Variants in GOLGA5 observed in about 807,000 individuals in gnomAD.
GOLGA5 encodes the protein golgin A5.
In GOLGA5, 50 loss-of-function variants were observed where a neutral mutation model predicts 93.5. The observed-to-expected ratio is 0.53, with a 90% CI of 0.43 to 0.68. The LOEUF (loss-of-function observed/expected upper bound fraction) is 0.68. Among genes scored for constraint, GOLGA5 ranks in the 30% least tolerant of loss-of-function variants. The pLI, the probability that GOLGA5 is intolerant of heterozygous loss-of-function variation, is 0.00. For synonymous variants in GOLGA5, 312 were observed against 304.5 expected, an observed-to-expected ratio of 1.02 and a Z score of -0.26; for missense variants, 760 against 856.4, an observed-to-expected ratio of 0.89 and a Z score of 1.40.
intron 9 of GOLGA5, among the ~76,000 whole-genome samples, chr14:92,831,579 C>T (rs1025432714): frequency 9.9e-5 from 15 of 152,130 alleles, no homozygotes; most frequent in East Asian, 5.8e-4. Context: ...CTGACTATAC[C>T]GTCAAACATT....
chr14:92,813,028 G>C (rs1382969495), intron 6 of GOLGA5, among the ~76,000 whole-genome samples: 1 of 152,118 alleles, frequency 6.6e-6, no homozygotes, highest in African/African-American at 2.4e-5. Context: ...TTCTGTTCTG[G>C]TCAACGTTAC....
chr14:92,837,549 T>A (rs994109245), intron 12 of GOLGA5, 100 bp downstream of exon 12: 2 of 680,610 alleles, frequency 2.9e-6, no homozygotes, highest in African/African-American at 3.7e-5. Context: ...TATTGATATT[T>A]TAGCAATCAA....
chr14:92,810,428 T>C, intron 5 of GOLGA5, 51 bp downstream of exon 5: 1 of 1,417,156 alleles, frequency 7.1e-7, no homozygotes, highest in Non-Finnish European at 9.5e-7. Flanking sequence ...ACGGAAAAAA[T>C]GACTTTATGC....
intron 3 of GOLGA5, among the ~76,000 whole-genome samples, chr14:92,807,406 T>C (rs1442917135): frequency 1.3e-5 from 2 of 152,208 alleles, no homozygotes; most frequent in Non-Finnish European, 2.9e-5. Context: ...ACTTGTAAAA[T>C]GATATTTTCA....
intron 6 of GOLGA5, among the ~76,000 whole-genome samples, chr14:92,814,361 A>C (rs1469939298): frequency 7.2e-5 from 11 of 152,112 alleles, no homozygotes; most frequent in African/African-American, 2.4e-4. Flanking sequence ...CAAGTGGTGC[A>C]TGATCACCAA....
intron 11 of GOLGA5, 90 bp downstream of exon 11, chr14:92,835,754 G>A (rs1885628239): frequency 1.5e-6 from 1 of 674,268 alleles, no homozygotes; most frequent in South Asian, 1.9e-5. Context: ...ATCAGGCAGA[G>A]TCTATATTTA....
intron 9 of GOLGA5, among the ~76,000 whole-genome samples, chr14:92,830,798 T>C (rs1323229115): frequency 3.9e-5 from 6 of 152,064 alleles, no homozygotes; most frequent in East Asian, 1.9e-4. Flanking sequence ...TGGGGTCTTA[T>C]TATGTTGCCC....
chr14:92,837,313 T>C, intron 11 of GOLGA5, 73 bp from the exon 12 acceptor site: 1 of 753,320 alleles, frequency 1.3e-6, no homozygotes, highest in Non-Finnish European at 2.3e-6. Flanking sequence ...CATCATTAGA[T>C]ATTACCACAG....
At chr14:92,831,322 A>C (rs1316770380) in intron 9 of GOLGA5, among the ~76,000 whole-genome samples, 1 of 152,262 alleles carries the variant, frequency 6.6e-6, no homozygotes. Flanking sequence ...ATGCTTGTTC[A>C]TAAATAGCCC....
At chr14:92,818,754 G>A (rs890265450) in intron 7 of GOLGA5, among the ~76,000 whole-genome samples, 9 of 152,098 alleles carry the variant, frequency 5.9e-5, no homozygotes, top group Non-Finnish European at 1.3e-4. Context: ...AGATAAAAAA[G>A]CAAAAATAAG....
At chr14:92,814,137 GT>G (rs573752996) in intron 6 of GOLGA5, among the ~76,000 whole-genome samples, 77 of 152,274 alleles carry the variant, frequency 5.1e-4, no homozygotes, top group Non-Finnish European at 9.1e-4. Context: ...TTAGAAGTAA[GT>G]TGGGAGAGTA....
chr14:92,825,193 T>A (rs1158784299), intron 9 of GOLGA5, among the ~76,000 whole-genome samples: 1 of 152,238 alleles, frequency 6.6e-6, no homozygotes, highest in Non-Finnish European at 1.5e-5. Flanking sequence ...GACAATTGAT[T>A]TAATGGACTT....
Position 92,824,601 on chromosome 14 carries a change from GA to G in GOLGA5, c.1678del (p.Ile560LeufsTer20). On this transcript the variant is annotated frameshift_variant, in exon 9 of 13. Coordinates refer to ENST00000163416, the MANE Select transcript of GOLGA5 (RefSeq NM_005113.4). LOFTEE classifies it high-confidence loss of function. ...LYRTKNTLQS[R>X]IKDRDEEIQK... ...CGAACAAAGAACACATTGCAAAGCA[GA>G]ATTAAAGATCGAGACGAAGAAATTC... is the stretch of plus-strand genomic sequence containing the variant. 6.2e-7 allele frequency: 1 copy of G among 1,605,462 alleles called. No homozygotes were observed. The highest frequency in any genetic ancestry group is 8.5e-7 in the Non-Finnish European group (1 of 1,173,936).
intron 2 of GOLGA5, among the ~76,000 whole-genome samples, chr14:92,806,170 T>G (rs1351639129): frequency 6.6e-6 from 1 of 152,186 alleles, no homozygotes; most frequent in African/African-American, 2.4e-5. Flanking sequence ...TCACATGATC[T>G]CTGATGTTCT....
intron 7 of GOLGA5, 106 bp downstream of exon 7, chr14:92,816,527 T>TCTTCGCTTCGCTTCGCTTCG (rs57383293): frequency 5.8e-6 from 4 of 691,160 alleles, no homozygotes; most frequent in Non-Finnish European, 9.7e-6. Context: ...TTCTCGCTTC[T>TCTTCGCTTCGCTTCGCTTCG]CTTCGCTTCG....
chr14:92,813,629 C>T (rs900284146), intron 6 of GOLGA5, among the ~76,000 whole-genome samples: 20 of 152,154 alleles, frequency 1.3e-4, no homozygotes, highest in African/African-American at 3.1e-4. Flanking sequence ...TAAAGTTCAA[C>T]GGCAGGCAGA....
At chr14:92,795,957 A>C (rs563101406) in intron 1 of GOLGA5, among the ~76,000 whole-genome samples, 1 of 152,246 alleles carries the variant, frequency 6.6e-6, no homozygotes, top group African/African-American at 2.4e-5. Context: ...TTCTGTATCT[A>C]TATCTTCATC....
chr14:92,830,447 G>A lies in GOLGA5; in HGVS notation c.1720-2675G>A, dbSNP rs140880609. Among the ~76,000 whole-genome samples the A allele has an allele frequency of 7.3e-5, 11 of 151,040 alleles. No homozygotes were observed. The East Asian group carries it at 2.1e-3, about 29-fold the overall frequency. Reference sequence around the variant, plus strand: ...CTTATCAGATATCATTAGTGTTAGTGTATTTTGTGTGTGGCCCAAGATAAT... The same window carrying A: ...CTTATCAGATATCATTAGTGTTAGTATATTTTGTGTGTGGCCCAAGATAAT... On this transcript the variant is annotated intron_variant, in intron 9 of 12. Transcript: ENST00000163416.
chr14:92,814,183 G>A (rs890064647), intron 6 of GOLGA5, among the ~76,000 whole-genome samples: 2 of 152,060 alleles, frequency 1.3e-5, no homozygotes, highest in African/African-American at 4.8e-5. Flanking sequence ...GTAACCTAAC[G>A]GGGAGAAAGG....
Sources: gnomAD v4.1 joint callset for allele counts (sites outside exome capture counted in the v4.1 genomes callset) on GRCh38, gnomAD v4.1.1 for gene constraint, MANE v1.5 for transcripts, NCBI Gene and HGNC (gene_info 2026-07-23, HGNC 2026-07-21) for gene names.